CCDC178: variants seen among roughly 807,000 people sequenced by gnomAD.
CCDC178 encodes the protein coiled-coil domain-containing protein 178.
In CCDC178, 126 loss-of-function variants were observed where a neutral mutation model predicts 117.4. That is an observed-to-expected ratio of 1.07 (90% CI 0.93 to 1.24). The LOEUF (loss-of-function observed/expected upper bound fraction) is 1.24. Among genes scored for constraint, CCDC178 ranks in the 50% most tolerant of loss-of-function variants. The pLI, the probability that CCDC178 is intolerant of heterozygous loss-of-function variation, is 0.00. For missense variants in CCDC178, 1,030 were observed against 986.9 expected (o/e 1.04, Z -0.59); for synonymous variants, 283 against 313.4 (o/e 0.90, Z 1.02).
intron 3 of CCDC178, among the ~76,000 whole-genome samples, chr18:33,410,163 A>G (rs1216708808): frequency 6.6e-6 from 1 of 152,218 alleles, no homozygotes; most frequent in Admixed American, 6.5e-5. Flanking sequence ...CAAGTCATTC[A>G]AAGGAAAATC....
intron 22 of CCDC178, among the ~76,000 whole-genome samples, chr18:32,955,723 C>T (rs1233568408): frequency 6.6e-6 from 1 of 152,062 alleles, no homozygotes; most frequent in East Asian, 1.9e-4. Flanking sequence ...TTGGTAAACT[C>T]ATTATATATT....
intron 21 of CCDC178, among the ~76,000 whole-genome samples, chr18:33,050,289 T>C (rs2056724557): frequency 6.6e-6 from 1 of 152,160 alleles, no homozygotes; most frequent in African/African-American, 2.4e-5. Flanking sequence ...ATTTGGGAGG[T>C]CAAATGGCAA....
chr18:33,258,975 A>G lies in CCDC178; in HGVS notation c.1409+7941T>C, dbSNP rs143271651. On this transcript the variant is annotated intron_variant, in intron 14 of 22. Coordinates refer to ENST00000383096, the MANE Select transcript of CCDC178 (RefSeq NM_001105528.4). ...TTCTCCTGAAAATATTGTATAGCAC[A>G]TAACGTACATCAACAATGTTTCAGA... is the stretch of plus-strand genomic sequence containing the variant. Among the ~76,000 whole-genome samples, 119 of 152,284 alleles carry G rather than the reference A, an allele frequency of 7.8e-4. 1 individual carries two copies. The highest frequency in any genetic ancestry group is 3.4e-3 in the Middle Eastern group (1 of 294).
chr18:33,271,817 C>G (rs2059894536), intron 12 of CCDC178, among the ~76,000 whole-genome samples: 1 of 151,464 alleles, frequency 6.6e-6, no homozygotes, highest in Middle Eastern at 3.4e-3. Context: ...TGATAACCAA[C>G]AAGTATAAGA....
intron 18 of CCDC178, among the ~76,000 whole-genome samples, chr18:33,216,654 G>C (rs1417915891): frequency 2.6e-5 from 4 of 151,888 alleles, no homozygotes; most frequent in Non-Finnish European, 5.9e-5. Flanking sequence ...TTTTATATTT[G>C]TTTTACTATA....
intron 20 of CCDC178, among the ~76,000 whole-genome samples, chr18:33,097,626 A>T (rs1425502382): frequency 6.6e-6 from 1 of 152,110 alleles, no homozygotes; most frequent in African/African-American, 2.4e-5. Flanking sequence ...TAACCGTCCA[A>T]TATATTCCCT....
chr18:33,347,462 G>A (rs112590584), intron 8 of CCDC178, among the ~76,000 whole-genome samples: 40 of 152,056 alleles, frequency 2.6e-4, no homozygotes, highest in Admixed American at 7.2e-4. Flanking sequence ...TTATAAAACC[G>A]GTTTCCCTAT....
intron 2 of CCDC178, among the ~76,000 whole-genome samples, chr18:33,426,629 TA>T (rs946545785): frequency 8.5e-5 from 13 of 152,230 alleles, no homozygotes; most frequent in Non-Finnish European, 1.8e-4. Flanking sequence ...CTAACTAATA[TA>T]AAGTTTCCTT....
intron 11 of CCDC178, among the ~76,000 whole-genome samples, chr18:33,305,311 C>A (rs553854729): frequency 6.6e-6 from 1 of 152,254 alleles, no homozygotes; most frequent in Admixed American, 6.5e-5. Context: ...GTTGTGAGGT[C>A]ATAAGCAGGC....
chr18:33,221,063 A>G (rs1862950837), intron 18 of CCDC178, among the ~76,000 whole-genome samples: 1 of 152,026 alleles, frequency 6.6e-6, no homozygotes, highest in South Asian at 2.1e-4. Context: ...GAACCCTGCA[A>G]TTCACTCACT....
chr18:33,092,400 A>G (rs1476080458), intron 21 of CCDC178, among the ~76,000 whole-genome samples: 4 of 152,114 alleles, frequency 2.6e-5, no homozygotes, highest in Non-Finnish European at 5.9e-5. Context: ...TGGAGCCTCT[A>G]TACTAAAAGG....
At chr18:33,175,626 A>C (rs1387029981) in intron 20 of CCDC178, among the ~76,000 whole-genome samples, 4 of 152,226 alleles carry the variant, frequency 2.6e-5, no homozygotes, top group South Asian at 4.1e-4. Context: ...CACTAAGCAG[A>C]GGCCACTGCA....
At chr18:33,228,682 C>G (rs2059336505) in intron 15 of CCDC178, among the ~76,000 whole-genome samples, 1 of 152,210 alleles carries the variant, frequency 6.6e-6, no homozygotes, top group Non-Finnish European at 1.5e-5. Flanking sequence ...CCCCAAACCT[C>G]TGTGATCCAG....
chr18:33,290,259 A>G (rs1461659593), intron 12 of CCDC178, among the ~76,000 whole-genome samples: 3 of 152,196 alleles, frequency 2.0e-5, no homozygotes, highest in Non-Finnish European at 4.4e-5. Context: ...CATGAATTAA[A>G]CCATAATAAA....
intron 20 of CCDC178, among the ~76,000 whole-genome samples, chr18:33,101,839 T>C (rs2057632830): frequency 6.6e-6 from 1 of 152,000 alleles, no homozygotes; most frequent in Non-Finnish European, 1.5e-5. Flanking sequence ...TTAAAATATG[T>C]ATATTTTGCA....
rs575608507 is a variant in CCDC178, at chr18:33,147,356, ATTTTTTTTT to A, written c.2239-54455_2239-54447del. ...CTACTCCTGCAAGCTTGCCTTTTTA[ATTTTTTTTT>A]TTTTTTTTTTTTTTTTAGTATTTAT... On this transcript the variant is annotated intron_variant, in intron 20 of 22. Coordinates refer to ENST00000383096, the MANE Select transcript of CCDC178 (RefSeq NM_001105528.4). Among the ~76,000 whole-genome samples the A allele has an allele frequency of 6.6e-3, 625 of 94,618 alleles. 6 individuals are homozygous for A. The highest frequency in any genetic ancestry group is 0.027 in the African/African-American group (582 of 21,328). The allele number at this position is 94,618 out of a possible 152,430, so 62.1% of individuals were successfully genotyped here.
chr18:33,139,704 T>A (rs1350981601), intron 20 of CCDC178, among the ~76,000 whole-genome samples: 1 of 152,138 alleles, frequency 6.6e-6, no homozygotes, highest in African/African-American at 2.4e-5. Flanking sequence ...TTCAGTTTTA[T>A]AAGGGAAGCA....
At chr18:33,280,082 A>C (rs2060002389) in intron 12 of CCDC178, among the ~76,000 whole-genome samples, 1 of 149,506 alleles carries the variant, frequency 6.7e-6, no homozygotes, top group Admixed American at 6.6e-5. Context: ...CAATGGCAAC[A>C]GAAGCCAAAA....
rs191896989 is a variant in CCDC178, at chr18:33,067,950, A to G, written c.2388+24811T>C. ...AACTTCTAGAGACAAAGAAAAAAAGAGTGAAGACTCAAATTAATAACATCA... is the reference window on the plus strand; with the variant it reads ...AACTTCTAGAGACAAAGAAAAAAAGGGTGAAGACTCAAATTAATAACATCA... On this transcript the variant is annotated intron_variant, in intron 21 of 22. Transcript: ENST00000383096. 2.0e-3 allele frequency among the ~76,000 whole-genome samples: 298 copies of G among 152,270 alleles called. 1 individual carries two copies. Among genetic ancestry groups the G allele is most frequent in the African/African-American group, 6.7e-3 (278 of 41,584 alleles).
Sources: allele counts gnomAD v4.1 joint callset (sites outside exome capture counted in the v4.1 genomes callset), GRCh38; gene constraint gnomAD v4.1.1; transcripts MANE v1.5; gene names NCBI Gene and HGNC (gene_info 2026-07-23, HGNC 2026-07-21).